Variants in BAIAP2 observed in about 807,000 individuals in gnomAD.
The protein encoded by BAIAP2 is BAR/IMD domain containing adaptor protein 2, also known as BAR/IMD domain-containing adapter protein 2.
BAIAP2 carries 18 observed loss-of-function variants against 63.0 expected under a neutral mutation model. The ratio of observed to expected loss-of-function variants is 0.29; its 90% CI spans 0.20 to 0.42. The LOEUF is 0.42. Ranked by LOEUF, BAIAP2 falls within the 10% of genes least tolerant of loss-of-function variation. The pLI is 1.00. For missense variants in BAIAP2, 610 were observed against 734.3 expected, an observed-to-expected ratio of 0.83 and a Z score of 1.96; for synonymous variants, 386 against 307.6, an observed-to-expected ratio of 1.25 and a Z score of -2.67.
At chr17:81,069,301 G>T (rs766878022) in intron 3 of BAIAP2, among the ~76,000 whole-genome samples, 67 of 152,198 alleles carry the variant, frequency 4.4e-4, no homozygotes, top group Non-Finnish European at 8.4e-4. Flanking sequence ...GACTGAACAC[G>T]TGCACACACC....
intron 7 of BAIAP2, among the ~76,000 whole-genome samples, chr17:81,102,531 C>T (rs989230927): frequency 2.0e-5 from 3 of 152,374 alleles, no homozygotes; most frequent in African/African-American, 7.2e-5. Context: ...CAAATCGATG[C>T]ACAGCTGTGT....
chr17:81,038,549 C>T (rs1207304520), intron 1 of BAIAP2, among the ~76,000 whole-genome samples: 1 of 152,220 alleles, frequency 6.6e-6, no homozygotes, highest in East Asian at 1.9e-4. Context: ...GCTGGTCACT[C>T]TAGCAGCTGG....
chr17:81,048,861 G>T (rs2048229325), intron 1 of BAIAP2, among the ~76,000 whole-genome samples: 1 of 152,224 alleles, frequency 6.6e-6, no homozygotes, highest in South Asian at 2.1e-4. Context: ...AAGCGTGCGG[G>T]CATCCCTGGG....
At chr17:81,084,760 C>A in intron 3 of BAIAP2, 72 bp from the exon 4 acceptor site, 2 of 1,509,008 alleles carry the variant, frequency 1.3e-6, no homozygotes, top group Non-Finnish European at 1.8e-6. Flanking sequence ...GGCTGTCAGC[C>A]CAGAGTGGGA....
At position 81,105,773 on chromosome 17, in the gene BAIAP2, G is replaced by A. The variant is rs1034223751; in HGVS notation, c.1269-305G>A. On this transcript the variant is annotated intron_variant, in intron 10 of 13. Transcript: ENST00000428708. ...ATCTTGGTGCCATCCGTGGCTTAGCGTGACACTGGGGCTGCGAGGCAGGAG... is the reference window on the plus strand; with the variant it reads ...ATCTTGGTGCCATCCGTGGCTTAGCATGACACTGGGGCTGCGAGGCAGGAG... The A allele has an allele frequency of 8.6e-5, 27 of 315,452 alleles. 1 individual carries two copies. Among genetic ancestry groups the A allele is most frequent in the African/African-American group, 5.5e-4 (25 of 45,698 alleles). The allele number at this position is 315,452 out of a possible 1,614,324, so 19.5% of individuals were successfully genotyped here.
intron 3 of BAIAP2, among the ~76,000 whole-genome samples, chr17:81,065,356 G>A (rs144977685): frequency 4.5e-4 from 68 of 152,340 alleles, no homozygotes; most frequent in African/African-American, 1.4e-3. Flanking sequence ...CAGGAATCTG[G>A]GGAATTTGCT....
chr17:81,103,900 C>T lies in BAIAP2; in HGVS notation c.865-7C>T. 1 of 1,612,794 alleles carries T rather than the reference C, an allele frequency of 6.2e-7. No homozygotes were observed. The highest frequency in any genetic ancestry group is 1.3e-5 in the African/African-American group (1 of 75,048). ...AGCAACAGCCTGCTCTGCCTGCTTCCCTGCAGCGGATGTCTGCCCAGGAGA... is the reference window on the plus strand; with the variant it reads ...AGCAACAGCCTGCTCTGCCTGCTTCTCTGCAGCGGATGTCTGCCCAGGAGA... On this transcript the variant is annotated splice_region_variant and splice_polypyrimidine_tract_variant and intron_variant, in intron 8 of 13. Transcript: ENST00000428708.
intron 6 of BAIAP2, chr17:81,097,699 A>T (rs1347364595): frequency 6.3e-6 from 1 of 158,218 alleles, no homozygotes; most frequent in Non-Finnish European, 1.4e-5. Flanking sequence ...AGCCCAAGGT[A>T]GGTAGGCACA....
intron 2 of BAIAP2, among the ~76,000 whole-genome samples, chr17:81,055,428 C>T (rs1231748645): frequency 1.3e-5 from 2 of 152,152 alleles, no homozygotes; most frequent in African/African-American, 2.4e-5. Context: ...GCAGGGGCCC[C>T]CATGGCTGCC....
Position 81,116,680 on chromosome 17 carries a change from G to C in BAIAP2, c.*841G>C, listed in dbSNP as rs955469082. On this transcript the variant is annotated 3_prime_UTR_variant, in exon 14 of 14. Transcript: ENST00000428708. ...TCCGCTGACTCCTGCAGGCACTGGG[G>C]AGCTCTGCTGGAATTGGGGGTTTTA... 6.7e-6 allele frequency: 2 copies of C among 299,994 alleles called. No individual in the cohort carries two copies. Among genetic ancestry groups the C allele is most frequent in the African/African-American group, 4.2e-5 (2 of 47,472 alleles). The allele number at this position is 299,994 out of a possible 1,614,324, so 18.6% of individuals were successfully genotyped here.
At chr17:81,109,100 G>A (rs1376737883) in intron 13 of BAIAP2, 8 of 1,476,078 alleles carry the variant, frequency 5.4e-6, no homozygotes, top group Non-Finnish European at 7.2e-6. Context: ...TTCTTGGGTT[G>A]TTTTTCTTTT....
rs1228001890 is a variant in BAIAP2 at position 81,084,881 on chromosome 17, G to A, written c.267G>A (p.Gln89=). 30 of 1,613,714 alleles carry A rather than the reference G, an allele frequency of 1.9e-5. No homozygotes were observed. Among genetic ancestry groups the A allele is most frequent in the Non-Finnish European group, 2.5e-5 (30 of 1,180,042 alleles). The part of the protein sequence containing the change: ...MAEVHRQIQN[Q]LEEMLKSFHN... ...AAGTCCACAGGCAGATCCAGAATCAGCTGGAAGAAATGGTGAGTCCACCCC... is the reference window on the plus strand; with the variant it reads ...AAGTCCACAGGCAGATCCAGAATCAACTGGAAGAAATGGTGAGTCCACCCC... The change falls in exon 4 of 14, where the codon CAG becomes CAA. Residue 89 remains glutamine, a synonymous_variant. Transcript: ENST00000428708.
chr17:81,084,595 C>T (rs1476472587), intron 3 of BAIAP2, among the ~76,000 whole-genome samples: 1 of 152,234 alleles, frequency 6.6e-6, no homozygotes, highest in Non-Finnish European at 1.5e-5. Context: ...CTCAAGTTCC[C>T]TCCCAAAGAT....
intron 13 of BAIAP2, chr17:81,109,116 T>G: frequency 6.8e-7 from 1 of 1,460,764 alleles, no homozygotes; most frequent in Non-Finnish European, 9.1e-7. Flanking sequence ...CTTTTCCACC[T>G]GCCCCATGCC....
At chr17:81,084,955 A>C in intron 4 of BAIAP2, 62 bp downstream of exon 4, 1 of 1,543,836 alleles carries the variant, frequency 6.5e-7, no homozygotes. Context: ...AGCTGGCGCC[A>C]CACCTTGGCC....
chr17:81,102,314 G>A (rs2058602641), intron 7 of BAIAP2, among the ~76,000 whole-genome samples: 1 of 152,104 alleles, frequency 6.6e-6, no homozygotes, highest in South Asian at 2.1e-4. Context: ...GTGCCGCTGC[G>A]AGGTCGGTGT....
intron 6 of BAIAP2, among the ~76,000 whole-genome samples, chr17:81,095,165 GC>G (rs1220549490): frequency 6.6e-6 from 1 of 152,198 alleles, no homozygotes; most frequent in African/African-American, 2.4e-5. Flanking sequence ...TAAGCACGCA[GC>G]CGGTGGCTCA....
At chr17:81,068,532 C>T (rs1053680053) in intron 3 of BAIAP2, among the ~76,000 whole-genome samples, 1 of 152,230 alleles carries the variant, frequency 6.6e-6, no homozygotes, top group Non-Finnish European at 1.5e-5. Flanking sequence ...TCCTGAATCC[C>T]TGACCCCAGG....
In BAIAP2 at chr17:81,035,290, C is replaced by T. The variant is rs146114941; in HGVS notation, c.36C>T (p.Leu12=). 2 of 1,511,714 alleles carry T rather than the reference C, an allele frequency of 1.3e-6. No homozygotes were observed. Among genetic ancestry groups the T allele is most frequent in the African/African-American group, 2.9e-5 (2 of 69,140 alleles). 93.6% of individuals were successfully genotyped at this position (1,511,714 alleles called of 1,614,324 possible). The part of the protein sequence containing the change: ...SLSRSEEMHR[L]TENVYKTIME... ...CTCGCTCAGAGGAGATGCACCGGCTCACGGAAAATGTCTATAAGGTGAGCG... is the reference window on the plus strand; with the variant it reads ...CTCGCTCAGAGGAGATGCACCGGCTTACGGAAAATGTCTATAAGGTGAGCG... Residue 12 remains leucine, a synonymous_variant, in exon 1 of 14, where the codon CTC becomes CTT. Coordinates refer to ENST00000428708, the MANE Select transcript of BAIAP2 (RefSeq NM_001144888.2).
Sources: allele counts gnomAD v4.1 joint callset (sites outside exome capture counted in the v4.1 genomes callset), GRCh38; gene constraint gnomAD v4.1.1; transcripts MANE v1.5; gene names NCBI Gene and HGNC (gene_info 2026-07-23, HGNC 2026-07-21).